The following FOXN3 variants were observed in gnomAD, a reference collection of about 807,000 sequenced individuals.
FOXN3 encodes the protein forkhead box N3, also known as forkhead box protein N3.
A neutral mutation model predicts 38.4 loss-of-function variants in FOXN3; 7 were observed. That is an observed-to-expected ratio of 0.18 (90% CI 0.10 to 0.34). The LOEUF (loss-of-function observed/expected upper bound fraction) is 0.34. Among genes scored for constraint, FOXN3 ranks in the 10% least tolerant of loss-of-function variants. The pLI, the probability that FOXN3 is intolerant of heterozygous loss-of-function variation, is 1.00. For missense variants in FOXN3, 456 were observed against 613.4 expected (o/e 0.74, Z 2.71); for synonymous variants, 230 against 242.2 (o/e 0.95, Z 0.47).
At chr14:89,336,817 T>A (rs1283770677) in intron 3 of FOXN3, among the ~76,000 whole-genome samples, 2 of 152,222 alleles carry the variant, frequency 1.3e-5, no homozygotes. Context: ...GAATATCGGA[T>A]GGAAATAGAT....
intron 5 of FOXN3, among the ~76,000 whole-genome samples, chr14:89,168,136 C>T (rs1431308515): frequency 6.6e-6 from 1 of 151,982 alleles, no homozygotes; most frequent in Non-Finnish European, 1.5e-5. Flanking sequence ...GGGAATAAGC[C>T]ACCATAAGCA....
rs1887025769 is a variant in FOXN3 at position 89,158,395 on chromosome 14, A to T, written c.*4019T>A. On this transcript the variant is annotated 3_prime_UTR_variant, in exon 6 of 6. Transcript: ENST00000557258. ...CACTAGACACATTGAATGCCTCTGC[A>T]AAACAAAAGAAAACTCTGTTCTTGG... The T allele has an allele frequency of 6.6e-6, 1 of 152,518 alleles. No homozygotes were observed. The highest frequency in any genetic ancestry group is 2.4e-5 in the African/African-American group (1 of 41,476). 9.4% of individuals were successfully genotyped at this position (152,518 alleles called of 1,614,324 possible). A position where few individuals can be genotyped will look rare whatever the true frequency, so the allele number is the denominator to read the frequency against.
chr14:89,390,114 T>C (rs1890897724), intron 2 of FOXN3, among the ~76,000 whole-genome samples: 1 of 151,368 alleles, frequency 6.6e-6, no homozygotes, highest in African/African-American at 2.4e-5. Context: ...TAGTCCTAGC[T>C]ATTTGGGAGG....
Position 89,343,627 on chromosome 14 carries a change from G to GTTT in FOXN3, c.680+7042_680+7044dup, listed in dbSNP as rs34453491. 2.5e-3 allele frequency among the ~76,000 whole-genome samples: 346 copies of GTTT among 140,614 alleles called. 9 individuals carry two copies. Among genetic ancestry groups the GTTT allele is most frequent in the Admixed American group, 0.019 (262 of 14,078 alleles). The allele number at this position is 140,614 out of a possible 152,430, so 92.2% of individuals were successfully genotyped here. A position where few individuals can be genotyped will look rare whatever the true frequency, so the allele number is the denominator to read the frequency against. Reference sequence around the variant, plus strand: ...TTTGGAGAGGCCATTAATGTGTGTGGTTTTTTTTTTTTTTCTTTTTTGCGG... The same window carrying GTTT: ...TTTGGAGAGGCCATTAATGTGTGTGGTTTTTTTTTTTTTTTTTCTTTTTTGCGG... On this transcript the variant is annotated intron_variant, in intron 3 of 5. Coordinates refer to ENST00000557258, the MANE Select transcript of FOXN3 (RefSeq NM_005197.4).
chr14:89,258,168 C>T (rs576694908), intron 4 of FOXN3, among the ~76,000 whole-genome samples: 1 of 152,212 alleles, frequency 6.6e-6, no homozygotes, highest in African/African-American at 2.4e-5. Context: ...GTGGTGTTTG[C>T]CTGGCTTTTC....
intron 1 of FOXN3, among the ~76,000 whole-genome samples, chr14:89,472,488 AG>A (rs1031463584): frequency 3.3e-4 from 50 of 152,278 alleles, no homozygotes; most frequent in Admixed American, 4.6e-4. Context: ...TGGGAGGCCA[AG>A]GCGGGCAGAT....
chr14:89,592,388 T>A (rs889441274), intron 1 of FOXN3, among the ~76,000 whole-genome samples: 7 of 151,310 alleles, frequency 4.6e-5, no homozygotes, highest in African/African-American at 1.5e-4. Flanking sequence ...AGTTGAAAGA[T>A]CTGTTTAAAT....
At chr14:89,449,782 C>G (rs1892578176) in intron 1 of FOXN3, among the ~76,000 whole-genome samples, 1 of 152,186 alleles carries the variant, frequency 6.6e-6, no homozygotes, top group Admixed American at 6.5e-5. Context: ...CTTTGCCCCC[C>G]TCCCTCCCTC....
intron 1 of FOXN3, among the ~76,000 whole-genome samples, chr14:89,509,562 T>C (rs1894015415): frequency 6.6e-6 from 1 of 152,216 alleles, no homozygotes; most frequent in African/African-American, 2.4e-5. Flanking sequence ...CTTGAACTCC[T>C]GACCACAGGT....
intron 1 of FOXN3, among the ~76,000 whole-genome samples, chr14:89,537,516 A>C (rs1894714279): frequency 6.6e-6 from 1 of 152,124 alleles, no homozygotes; most frequent in African/African-American, 2.4e-5. Flanking sequence ...ATTCCATGAA[A>C]TGCTCAATGG....
At chr14:89,323,786 G>A (rs553897588) in intron 3 of FOXN3, among the ~76,000 whole-genome samples, 2 of 152,224 alleles carry the variant, frequency 1.3e-5, no homozygotes, top group South Asian at 4.1e-4. Context: ...ATCTAAAGGA[G>A]CAGGCACAGT....
chr14:89,201,518 C>A (rs949188037), intron 4 of FOXN3, among the ~76,000 whole-genome samples: 2 of 152,168 alleles, frequency 1.3e-5, no homozygotes, highest in African/African-American at 2.4e-5. Context: ...TCCCAAGAGA[C>A]CCCAGAGCAC....
chr14:89,302,046 T>C (rs757096273), intron 3 of FOXN3, among the ~76,000 whole-genome samples: 2 of 152,110 alleles, frequency 1.3e-5, no homozygotes, highest in Non-Finnish European at 2.9e-5. Context: ...CCACATAGTG[T>C]AGCTCAGGAA....
At chr14:89,410,780 C>T (rs777645522) in intron 2 of FOXN3, among the ~76,000 whole-genome samples, 3 of 151,160 alleles carry the variant, frequency 2.0e-5, no homozygotes, top group Non-Finnish European at 4.4e-5. Flanking sequence ...GGCTGAGATG[C>T]GAGGATCACT....
intron 4 of FOXN3, among the ~76,000 whole-genome samples, chr14:89,233,976 C>T (rs1884901656): frequency 6.6e-6 from 1 of 152,146 alleles, no homozygotes; most frequent in African/African-American, 2.4e-5. Flanking sequence ...CTCCATCCTC[C>T]CCTCACCAGG....
intron 1 of FOXN3, among the ~76,000 whole-genome samples, chr14:89,575,635 G>A (rs1046478156): frequency 2.6e-5 from 4 of 152,040 alleles, no homozygotes; most frequent in Admixed American, 6.6e-5. Flanking sequence ...TGCCACGCTC[G>A]GGCCCTTGGA....
intron 4 of FOXN3, among the ~76,000 whole-genome samples, chr14:89,201,885 G>A (rs1888244970): frequency 6.6e-6 from 1 of 152,184 alleles, no homozygotes. Context: ...CAGCTGTGGG[G>A]GTGCTCATAG....
In FOXN3 at chr14:89,337,187, C is replaced by T. The variant is rs192322552; in HGVS notation, c.680+13485G>A. Among the ~76,000 whole-genome samples the T allele has an allele frequency of 8.7e-4, 132 of 152,240 alleles. 1 individual carries two copies. The highest frequency in any genetic ancestry group is 3.1e-3 in the African/African-American group (130 of 41,528). On this transcript the variant is annotated intron_variant, in intron 3 of 5. Transcript: ENST00000557258. ...AGTTCTGCACACAGATTTGGTAGTA[C>T]AAAGAATTGCGATCTTCCTCTTTTA...
intron 1 of FOXN3, among the ~76,000 whole-genome samples, chr14:89,469,067 T>C (rs954128960): frequency 2.0e-5 from 3 of 152,186 alleles, no homozygotes; most frequent in African/African-American, 7.2e-5. Context: ...AAAATGGCAC[T>C]CCTTGTGTTG....
Sources: allele counts gnomAD v4.1 joint callset (sites outside exome capture counted in the v4.1 genomes callset), GRCh38; gene constraint gnomAD v4.1.1; transcripts MANE v1.5; gene names NCBI Gene and HGNC (gene_info 2026-07-23, HGNC 2026-07-21).